The following SPRY3 variants were observed in gnomAD, a reference collection of about 807,000 sequenced individuals.
The protein encoded by SPRY3 is protein sprouty homolog 3.
SPRY3 carries 15 observed loss-of-function variants against 20.2 expected under a neutral mutation model. The observed-to-expected ratio is 0.74, with a 90% CI of 0.50 to 1.14. The LOEUF (loss-of-function observed/expected upper bound fraction) is 1.14, where lower values mean the gene tolerates loss of function less well. Ranked by LOEUF, SPRY3 falls within the 50% of genes most tolerant of loss-of-function variation. The probability of loss-of-function intolerance (pLI) is 0.00; values close to 1 mark genes in which losing one functional copy is unlikely to be tolerated. For missense variants in SPRY3, 364 were observed against 363.9 expected (o/e 1.00, Z 0.00); for synonymous variants, 143 against 136.5 (o/e 1.05, Z -0.33).
downstream of SPRY3, chrX:155,776,843 T>A (rs936986503): frequency 6.0e-6 from 1 of 167,108 alleles, no homozygotes; most frequent in Non-Finnish European, 1.5e-5. Context: ...TCCTGAAGTG[T>A]ACTGACATTT....
chrX:155,773,287 T>C (rs2091392877), intron 3 of SPRY3, among the ~76,000 whole-genome samples: 1 of 136,646 alleles, frequency 7.3e-6, no homozygotes, highest in Non-Finnish European at 1.5e-5. Context: ...AAATTCACAC[T>C]GAAAAGATAA....
chrX:155,707,729 G>A (rs1196884195), intron 2 of SPRY3, among the ~76,000 whole-genome samples: 2 of 150,916 alleles, frequency 1.3e-5, no homozygotes, highest in Non-Finnish European at 3.0e-5. Flanking sequence ...TATCAATATA[G>A]CCATTTCAAC....
rs140312295 is a variant in SPRY3, at chrX:155,656,238, C to A, written c.-440-629C>A. Among the ~76,000 whole-genome samples, 375 of 111,536 alleles carry A rather than the reference C, an allele frequency of 3.4e-3. 2 individuals carry two copies. Among genetic ancestry groups the A allele is most frequent in the Non-Finnish European group, 5.3e-3 (282 of 53,133 alleles). On this transcript the variant is annotated intron_variant, in intron 1 of 3. Transcript: ENST00000675360. Reference sequence around the variant, plus strand: ...TCCCATCACTTTCAGGGACCCCAATCAATCAGAGGTTTAGTCTTTTCACAT... The same window carrying A: ...TCCCATCACTTTCAGGGACCCCAATAAATCAGAGGTTTAGTCTTTTCACAT...
intron 2 of SPRY3, among the ~76,000 whole-genome samples, chrX:155,699,745 C>T (rs1358965945): frequency 1.8e-5 from 2 of 110,703 alleles, no homozygotes; most frequent in South Asian, 3.9e-4. Flanking sequence ...GAGCCTACAA[C>T]TACAGCTGGG....
intron 2 of SPRY3, among the ~76,000 whole-genome samples, chrX:155,733,268 C>A (rs1334770817): frequency 6.7e-6 from 1 of 148,766 alleles, no homozygotes; most frequent in Non-Finnish European, 1.5e-5. Flanking sequence ...TACCATATAC[C>A]CTATATATAT....
chrX:155,677,364 T>A (rs1569562581), intron 2 of SPRY3, among the ~76,000 whole-genome samples: 1 of 111,801 alleles, frequency 8.9e-6, no homozygotes, highest in Non-Finnish European at 1.9e-5. Context: ...TCTCCTGGCA[T>A]CTGTCTGTTT....
chrX:155,771,265 C>CCTCCCAG (rs2091379477), intron 3 of SPRY3, among the ~76,000 whole-genome samples: 1 of 152,150 alleles, frequency 6.6e-6, no homozygotes, highest in African/African-American at 2.4e-5. Flanking sequence ...ACATAATTCT[C>CCTCCCAG]ATTATTGTTT....
At chrX:155,774,910 T>C (rs2091414139) in exon 4 of SPRY3, 2 of 721,094 alleles carry the variant, frequency 2.8e-6, no homozygotes, top group East Asian at 2.7e-5. Flanking sequence ...GGATGCCTTG[T>C]TCTTTCTCAC....
intron 1 of SPRY3, among the ~76,000 whole-genome samples, chrX:155,646,921 G>T (rs2067959712): frequency 8.9e-6 from 1 of 111,784 alleles, no homozygotes; most frequent in South Asian, 3.7e-4. Context: ...GATACCATCT[G>T]TGAGCTTGTC....
intron 1 of SPRY3, among the ~76,000 whole-genome samples, chrX:155,644,871 C>G (rs1432067897): frequency 1.8e-5 from 2 of 111,065 alleles, no homozygotes; most frequent in African/African-American, 3.3e-5. Context: ...AAGACAAGTC[C>G]CCTTTACTTT....
intron 1 of SPRY3, among the ~76,000 whole-genome samples, chrX:155,647,229 G>A (rs2067960680): frequency 1.8e-5 from 2 of 109,933 alleles, no homozygotes; most frequent in Admixed American, 9.6e-5. Context: ...TGTATATTTA[G>A]TTGCTCCAAT....
At chrX:155,751,924 GAAATAAAATAAAATAA>G (rs956592378) in intron 2 of SPRY3, among the ~76,000 whole-genome samples, 1 of 121,662 alleles carries the variant, frequency 8.2e-6, no homozygotes, top group African/African-American at 2.9e-5. Context: ...CAAGGGAAGG[GAAATAAAATAAAATAA>G]AATAAAATAA....
chrX:155,704,016 A>G (rs1255062041), intron 2 of SPRY3, among the ~76,000 whole-genome samples: 2 of 151,876 alleles, frequency 1.3e-5, no homozygotes, highest in Non-Finnish European at 2.9e-5. Context: ...CTAAAGGCCT[A>G]CTAGAAGGAA....
At chrX:155,667,547 T>C (rs782805692) in intron 2 of SPRY3, among the ~76,000 whole-genome samples, 2 of 110,539 alleles carry the variant, frequency 1.8e-5, no homozygotes, top group South Asian at 3.8e-4. Context: ...ATGAGGAAAC[T>C]CCTATCTGGT....
At chrX:155,769,881 A>G (rs1243744285) in intron 3 of SPRY3, among the ~76,000 whole-genome samples, 1 of 152,206 alleles carries the variant, frequency 6.6e-6, no homozygotes, top group Non-Finnish European at 1.5e-5. Context: ...TGTAAACTAT[A>G]TACAACTTGG....
intron 2 of SPRY3, among the ~76,000 whole-genome samples, chrX:155,683,692 T>G (rs10126973): frequency 1.2e-3 from 138 of 111,468 alleles, no homozygotes; most frequent in African/African-American, 4.4e-3. Context: ...GATATATAGA[T>G]CTGGCTAAGG....
At chrX:155,711,833 G>A (rs1197097098) in intron 2 of SPRY3, among the ~76,000 whole-genome samples, 1 of 150,268 alleles carries the variant, frequency 6.7e-6, no homozygotes, top group Admixed American at 6.6e-5. Flanking sequence ...TTGTTGTAGG[G>A]ACTTATAGCT....
intron 2 of SPRY3, among the ~76,000 whole-genome samples, chrX:155,661,238 C>A (rs2068008904): frequency 9.0e-6 from 1 of 111,698 alleles, no homozygotes; most frequent in African/African-American, 3.2e-5. Context: ...TGACAAATTT[C>A]TTTAGCCTTT....
chrX:155,773,307 G>GTTACATATAT (rs4013148), intron 3 of SPRY3, among the ~76,000 whole-genome samples: 1 of 120,740 alleles, frequency 8.3e-6, no homozygotes, highest in African/African-American at 3.1e-5. Flanking sequence ...ATTTTGATTG[G>GTTACATATAT]ATATATATAT....
Sources: gnomAD v4.1 joint callset for allele counts (sites outside exome capture counted in the v4.1 genomes callset) on GRCh38, gnomAD v4.1.1 for gene constraint, MANE v1.5 for transcripts, NCBI Gene and HGNC (gene_info 2026-07-23, HGNC 2026-07-21) for gene names.